STXBP4: variants seen among roughly 807,000 people sequenced by gnomAD.
STXBP4 encodes the protein syntaxin-binding protein 4.
STXBP4 carries 55 observed loss-of-function variants against 76.1 expected under a neutral mutation model. That is an observed-to-expected ratio of 0.72 (90% CI 0.58 to 0.91). The LOEUF (loss-of-function observed/expected upper bound fraction) is 0.91. Among genes scored for constraint, STXBP4 ranks in the 40% least tolerant of loss-of-function variants. The pLI is 0.00. For missense variants in STXBP4, 618 were observed against 636.9 expected, an observed-to-expected ratio of 0.97 and a Z score of 0.32; for synonymous variants, 201 against 220.2, an observed-to-expected ratio of 0.91 and a Z score of 0.77.
At chr17:55,001,778 G>A (rs568548818) in intron 7 of STXBP4, among the ~76,000 whole-genome samples, 2 of 152,096 alleles carry the variant, frequency 1.3e-5, no homozygotes, top group East Asian at 1.9e-4. Flanking sequence ...GATTACAGGC[G>A]CCTGCCACCA....
At chr17:55,031,060 G>A (rs1376065910) in intron 8 of STXBP4, 108 bp from the exon 9 acceptor site, 3 of 769,630 alleles carry the variant, frequency 3.9e-6, no homozygotes, top group East Asian at 2.8e-5. Context: ...AATCCTGGTC[G>A]ACTGTTTCTG....
At chr17:55,004,304 G>A (rs1269358576) in intron 7 of STXBP4, among the ~76,000 whole-genome samples, 3 of 152,126 alleles carry the variant, frequency 2.0e-5, no homozygotes, top group Admixed American at 6.6e-5. Flanking sequence ...ATAGTTATGG[G>A]GAAAAATATC....
At chr17:55,058,963 A>G (rs911158557) in intron 12 of STXBP4, among the ~76,000 whole-genome samples, 5 of 152,042 alleles carry the variant, frequency 3.3e-5, no homozygotes, top group Admixed American at 2.6e-4. Flanking sequence ...CTCACTTTAT[A>G]TATATTTCAA....
chr17:54,986,961 A>G (rs925909506), intron 3 of STXBP4, among the ~76,000 whole-genome samples: 3 of 152,206 alleles, frequency 2.0e-5, no homozygotes, highest in African/African-American at 7.2e-5. Context: ...GTCATTCTTC[A>G]GGAGGCTGGC....
intron 16 of STXBP4, among the ~76,000 whole-genome samples, chr17:55,129,007 G>T (rs1275887498): frequency 7.1e-6 from 1 of 140,978 alleles, no homozygotes; most frequent in African/African-American, 2.7e-5. Flanking sequence ...TTGGCTCACT[G>T]CAACCTCCAT....
In STXBP4 at chr17:55,119,837, A is replaced by T. The variant is rs2145085918; in HGVS notation, c.1490-21473A>T. ...AATATTAGTTAATTCCTTTCCTTTC[A>T]TGCTTCTGATATTTAAATACCTCAA... On this transcript the variant is annotated intron_variant, in intron 16 of 17. Transcript: ENST00000376352. Among the ~76,000 whole-genome samples the T allele has an allele frequency of 2.0e-5, 3 of 152,112 alleles. No individual in the cohort carries two copies. In the South Asian group the frequency reaches 6.2e-4, roughly 32 times the overall value.
chr17:55,141,868 A>G (rs1296939116), intron 17 of STXBP4, among the ~76,000 whole-genome samples: 2 of 152,198 alleles, frequency 1.3e-5, no homozygotes, highest in South Asian at 2.1e-4. Context: ...TCTTGATAGC[A>G]TAGAATTTAC....
intron 16 of STXBP4, among the ~76,000 whole-genome samples, chr17:55,139,113 C>A (rs1465908134): frequency 6.6e-6 from 1 of 152,056 alleles, no homozygotes; most frequent in Non-Finnish European, 1.5e-5. Flanking sequence ...ACCATTGTGA[C>A]TTAAATGCCT....
intron 4 of STXBP4, among the ~76,000 whole-genome samples, chr17:54,997,614 A>T (rs13341661): frequency 0.064 from 9,276 of 145,574 alleles, 818 homozygotes; most frequent in African/African-American, 0.21. Context: ...ATATATATAT[A>T]TTTTTTTTGA....
chr17:55,022,998 G>A (rs1321401577), intron 8 of STXBP4, among the ~76,000 whole-genome samples: 1 of 152,150 alleles, frequency 6.6e-6, no homozygotes, highest in African/African-American at 2.4e-5. Context: ...ACTCTTCATT[G>A]TGGAAAATTT....
At chr17:55,206,418 C>A in the STXBP4 span, among the ~76,000 whole-genome samples, 1 of 152,180 alleles carries the variant, frequency 6.6e-6, no homozygotes, top group African/African-American at 2.4e-5. Flanking sequence ...CAATTGAAAA[C>A]TTCTCCTCTC....
intron 16 of STXBP4, among the ~76,000 whole-genome samples, chr17:55,102,914 A>G (rs2079584108): frequency 6.6e-6 from 1 of 152,170 alleles, no homozygotes; most frequent in South Asian, 2.1e-4. Flanking sequence ...TTTTGACCGC[A>G]TAAATGTCTT....
At chr17:55,200,431 G>T in the STXBP4 span, among the ~76,000 whole-genome samples, 1 of 152,202 alleles carries the variant, frequency 6.6e-6, no homozygotes, top group Non-Finnish European at 1.5e-5. Flanking sequence ...TTAAATCCCA[G>T]AATAATAACT....
At chr17:54,999,572 T>G in intron 5 of STXBP4, 60 bp from the exon 6 acceptor site, 14 of 1,496,474 alleles carry the variant, frequency 9.4e-6, no homozygotes, top group Non-Finnish European at 1.3e-5. Context: ...AACATTATCT[T>G]GGATTTCAGT....
chr17:55,111,067 A>C (rs1437200805), intron 16 of STXBP4, among the ~76,000 whole-genome samples: 1 of 152,164 alleles, frequency 6.6e-6, no homozygotes, highest in Non-Finnish European at 1.5e-5. Flanking sequence ...AGGTAATGGG[A>C]GCTTAAACTA....
intron 1 of STXBP4, among the ~76,000 whole-genome samples, chr17:54,974,242 A>G (rs1269604027): frequency 1.3e-5 from 2 of 152,232 alleles, no homozygotes; most frequent in Admixed American, 1.3e-4. Context: ...TTTTATCACA[A>G]TACTTGTATC....
the STXBP4 span, among the ~76,000 whole-genome samples, chr17:55,181,183 A>G: frequency 2.6e-5 from 4 of 152,188 alleles, no homozygotes; most frequent in Non-Finnish European, 4.4e-5. Flanking sequence ...TACTTTGCAG[A>G]CTTATCTAGT....
chr17:55,115,594 T>G (rs571081405), intron 16 of STXBP4, among the ~76,000 whole-genome samples: 1 of 151,866 alleles, frequency 6.6e-6, no homozygotes, highest in Non-Finnish European at 1.5e-5. Context: ...CTATACCCTC[T>G]TTTTTATTCT....
intron 12 of STXBP4, among the ~76,000 whole-genome samples, chr17:55,067,427 T>C (rs1329491639): frequency 6.6e-6 from 1 of 152,158 alleles, no homozygotes; most frequent in African/African-American, 2.4e-5. Flanking sequence ...GTGAAAAATA[T>C]ATATACCTAG....
Sources: allele counts gnomAD v4.1 joint callset (sites outside exome capture counted in the v4.1 genomes callset), GRCh38; gene constraint gnomAD v4.1.1; transcripts MANE v1.5; gene names NCBI Gene and HGNC (gene_info 2026-07-23, HGNC 2026-07-21).